SMIM5: variants seen among roughly 807,000 people sequenced by gnomAD.
The protein encoded by SMIM5 is small integral membrane protein 5.
SMIM5 carries 4 observed loss-of-function variants against 4.0 expected under a neutral mutation model. The observed-to-expected ratio is 1.01, with a 90% confidence interval of 0.50 to 2.30. The LOEUF is 2.30. SMIM5 is among the 30% of genes most tolerant of loss of function. The pLI is 0.02. For synonymous variants in SMIM5, 46 were observed against 43.6 expected, an observed-to-expected ratio of 1.05 and a Z score of -0.22; for missense variants, 107 against 99.2, an observed-to-expected ratio of 1.08 and a Z score of -0.34.
Position 75,640,719 on chromosome 17 carries a change from T to A in SMIM5, c.128-72T>A. The A allele has an allele frequency of 6.6e-7, 1 of 1,519,428 alleles. No homozygotes were observed. Among genetic ancestry groups the A allele is most frequent in the Non-Finnish European group, 8.9e-7 (1 of 1,128,364 alleles). 94.1% of individuals were successfully genotyped at this position (1,519,428 alleles called of 1,614,324 possible). The stretch of plus-strand genomic sequence containing the variant: ...GGGAAAGACCCTGGCAGGCAGTGGG[T>A]TTCTCTGGGAGGAGGGTGGGCATCC... On this transcript the variant is annotated intron_variant, in intron 2 of 2. Transcript: ENST00000375215. The surrounding 1 kb of genome is among the most constrained non-coding windows in gnomAD (Gnocchi z 4.6).
rs1297449734 is a variant in SMIM5, at chr17:75,640,467, C to G, written c.127+139C>G. 1.5e-6 allele frequency: 2 copies of G among 1,329,696 alleles called. No individual in the cohort carries two copies. The highest frequency in any genetic ancestry group is 2.0e-6 in the Non-Finnish European group (2 of 999,326). The allele number at this position is 1,329,696 out of a possible 1,614,324, so 82.4% of individuals were successfully genotyped here. A position where few individuals can be genotyped will look rare whatever the true frequency, so the allele number is the denominator to read the frequency against. On this transcript the variant is annotated intron_variant, in intron 2 of 2. Transcript: ENST00000375215. This position sits in a 1 kb window ranked among gnomAD's most constrained non-coding sequence, Gnocchi z 4.6. Reference sequence around the variant, plus strand: ...AAAACCAGTTGTCCCTTGGGGGAAGCCAAGGGACTTCCCTCATCCTCTGAT... The same window carrying G: ...AAAACCAGTTGTCCCTTGGGGGAAGGCAAGGGACTTCCCTCATCCTCTGAT...
chr17:75,640,120 G>A lies in SMIM5; in HGVS notation c.-36-46G>A, dbSNP rs1158480454. 4 of 1,448,068 alleles carry A rather than the reference G, an allele frequency of 2.8e-6. No individual in the cohort carries two copies. Among genetic ancestry groups the A allele is most frequent in the African/African-American group, 1.4e-5 (1 of 69,944 alleles). 89.7% of individuals were successfully genotyped at this position (1,448,068 alleles called of 1,614,324 possible). A position where few individuals can be genotyped will look rare whatever the true frequency, so the allele number is the denominator to read the frequency against. ...GTGGAATCTCGGTGCTGCGACGAGT[G>A]TGGGGCCAGCCGTGGAGGCTCCAGG... On this transcript the variant is annotated intron_variant, in intron 1 of 2. Coordinates refer to ENST00000375215, the MANE Select transcript of SMIM5 (RefSeq NM_001162995.3). This position sits in a 1 kb window ranked among gnomAD's most constrained non-coding sequence, Gnocchi z 4.6.
In SMIM5 at chr17:75,640,218, T is replaced by G; in HGVS notation, c.17T>G (p.Phe6Cys). 6 of 1,550,014 alleles carry G rather than the reference T, an allele frequency of 3.9e-6. No individual in the cohort carries two copies. The highest frequency in any genetic ancestry group is 5.2e-6 in the Non-Finnish European group (6 of 1,146,388). The change falls in exon 2 of 3, where the codon TTC becomes TGC. Residue 6 changes from phenylalanine to cysteine, a missense_variant. Coordinates refer to ENST00000375215, the MANE Select transcript of SMIM5 (RefSeq NM_001162995.3). This position sits in a 1 kb window ranked among gnomAD's most constrained non-coding sequence, Gnocchi z 4.6. MAATD[F>C]VQEMRAVGER... is the part of the protein sequence containing the mutation. ...CAGCGCGGCATGGCTGCCACCGACT[T>G]CGTGCAGGAGATGCGCGCCGTGGGC...
In SMIM5 at chr17:75,640,190, A is replaced by G; in HGVS notation, c.-12A>G. On this transcript the variant is annotated 5_prime_UTR_variant, in exon 2 of 3. Coordinates refer to ENST00000375215, the MANE Select transcript of SMIM5 (RefSeq NM_001162995.3). This position sits in a 1 kb window ranked among gnomAD's most constrained non-coding sequence, Gnocchi z 4.6. The stretch of plus-strand genomic sequence containing the variant: ...GAGCCCGGCAGGAGCCCCAACAGGA[A>G]GCCAGCGCGGCATGGCTGCCACCGA... The G allele has an allele frequency of 6.5e-7, 1 of 1,542,142 alleles. No homozygotes were observed. The highest frequency in any genetic ancestry group is 2.4e-5 in the East Asian group (1 of 40,834).
At position 75,634,186 on chromosome 17, in the gene SMIM5, A is replaced by T. The variant is rs1190353306; in HGVS notation, c.-53A>T. ...GCTGGGGCACTGCTGCTCAGCCCCC[A>T]ACACCTGAGCTCCCAGGTGAGTGGC... On this transcript the variant is annotated 5_prime_UTR_variant, in exon 1 of 3. Transcript: ENST00000375215. 1 of 985,396 alleles carries T rather than the reference A, an allele frequency of 1.0e-6. No individual in the cohort carries two copies. The allele number at this position is 985,396 out of a possible 1,614,324, so 61.0% of individuals were successfully genotyped here.
At chr17:75,639,037 T>C (rs1341235925) in intron 1 of SMIM5, 2 of 152,220 alleles carry the variant, frequency 1.3e-5, no homozygotes, top group African/African-American at 2.4e-5. Flanking sequence ...TGGGTGCTCA[T>C]GCAAAGACCA....
chr17:75,639,291 C>T (rs563870327), intron 1 of SMIM5: 1 of 152,520 alleles, frequency 6.6e-6, no homozygotes, highest in East Asian at 1.9e-4. Flanking sequence ...GAGCAACTGC[C>T]TTGGTGAACT....
intron 1 of SMIM5, chr17:75,635,724 G>A: frequency 1.1e-5 from 10 of 913,532 alleles, no homozygotes; most frequent in Non-Finnish European, 1.3e-5. Flanking sequence ...GCCCAACAGG[G>A]CAAGGGTGAC....
intron 1 of SMIM5, chr17:75,635,933 G>A (rs575069630): frequency 2.4e-5 from 21 of 878,736 alleles, no homozygotes; most frequent in African/African-American, 7.3e-5. Flanking sequence ...TCTGGCCTGC[G>A]GGATGCCTGC....
At position 75,639,884 on chromosome 17, in the gene SMIM5, T is replaced by C. The variant is rs986092040; in HGVS notation, c.-36-282T>C. ...GTAGTGGTACCTCAAGACAAGGGAA[T>C]GGAACAGCGAAGCCAGAAACCACCA... On this transcript the variant is annotated intron_variant, in intron 1 of 2. Transcript: ENST00000375215. The C allele has an allele frequency of 1.8e-5, 5 of 280,234 alleles. No individual in the cohort carries two copies. The East Asian group carries it at 2.2e-4, about 13-fold the overall frequency. The allele number at this position is 280,234 out of a possible 1,614,324, so 17.4% of individuals were successfully genotyped here.
Position 75,634,009 on chromosome 17 carries a change from G to A in SMIM5, c.-230G>A, listed in dbSNP as rs576319253. On this transcript the variant is annotated 5_prime_UTR_variant, in exon 1 of 3. Transcript: ENST00000375215. Reference sequence around the variant, plus strand: ...GCTTCCTCGGGCTCCCCCTCGCGACGGTAATTTGACACTTGGATCTCCAGG... The same window carrying A: ...GCTTCCTCGGGCTCCCCCTCGCGACAGTAATTTGACACTTGGATCTCCAGG... 2.8e-4 allele frequency: 272 copies of A among 985,540 alleles called. No individual in the cohort carries two copies. In the Middle Eastern group the frequency reaches 3.1e-3, roughly 11 times the overall value. The allele number at this position is 985,540 out of a possible 1,614,324, so 61.0% of individuals were successfully genotyped here.
chr17:75,633,566 C>A lies in SMIM5; in HGVS notation c.-673C>A. 7.9e-7 allele frequency: 1 copy of A among 1,269,036 alleles called. No homozygotes were observed. Among genetic ancestry groups the A allele is most frequent in the Non-Finnish European group, 1.0e-6 (1 of 978,420 alleles). 78.6% of individuals were successfully genotyped at this position (1,269,036 alleles called of 1,614,324 possible). On this transcript the variant is annotated 5_prime_UTR_variant, in exon 1 of 3. Transcript: ENST00000375215. Reference sequence around the variant, plus strand: ...CTTCAGATGCTGAGCGGCACAAGGGCCTCCCCAGGGACTGGTTGCAAAGCC... The same window carrying A: ...CTTCAGATGCTGAGCGGCACAAGGGACTCCCCAGGGACTGGTTGCAAAGCC...
In SMIM5 at chr17:75,636,277, G is replaced by A. The variant is rs1451202893; in HGVS notation, c.-37+2075G>A. Among the ~76,000 whole-genome samples, 1 of 152,094 alleles carries A rather than the reference G, an allele frequency of 6.6e-6. No individual in the cohort carries two copies. Among genetic ancestry groups the A allele is most frequent in the Non-Finnish European group, 1.5e-5 (1 of 68,008 alleles). On this transcript the variant is annotated intron_variant, in intron 1 of 2. Coordinates refer to ENST00000375215, the MANE Select transcript of SMIM5 (RefSeq NM_001162995.3). The surrounding 1 kb of genome is among the most constrained non-coding windows in gnomAD (Gnocchi z 5.4). The stretch of plus-strand genomic sequence containing the variant: ...GGACTCTGGTTGCCCTGGTTCGCAG[G>A]TGGGCACTACCAAGCGTGGGGTTGG...
rs374319429 is a variant in SMIM5, at chr17:75,640,792, T to C, written c.129T>C (p.Ala43=). 11 of 1,550,054 alleles carry C rather than the reference T, an allele frequency of 7.1e-6. No individual in the cohort carries two copies. The highest frequency in any genetic ancestry group is 4.9e-5 in the East Asian group (2 of 40,898). ...CCGTGCTCTCTCCCGGCCCTCCAGC[T>C]ACTGTTCTGCTGTTGCTGCTGATAG... is the stretch of plus-strand genomic sequence containing the variant. The part of the protein sequence containing the change: ...VAFSVIILFT[A]TVLLLLLIAC... Residue 43 remains alanine, a splice_region_variant and synonymous_variant, in exon 3 of 3, where the codon GCT becomes GCC. Coordinates refer to ENST00000375215, the MANE Select transcript of SMIM5 (RefSeq NM_001162995.3). This position sits in a 1 kb window ranked among gnomAD's most constrained non-coding sequence, Gnocchi z 4.6.
In SMIM5 at chr17:75,640,437, G is replaced by A. The variant is rs2059414744; in HGVS notation, c.127+109G>A. 2 of 1,431,066 alleles carry A rather than the reference G, an allele frequency of 1.4e-6. No individual in the cohort carries two copies. The highest frequency in any genetic ancestry group is 1.8e-6 in the Non-Finnish European group (2 of 1,085,354). The allele number at this position is 1,431,066 out of a possible 1,614,324, so 88.6% of individuals were successfully genotyped here. A position where few individuals can be genotyped will look rare whatever the true frequency, so the allele number is the denominator to read the frequency against. ...AGGTGGCGGGTGTCTGCCGGATCAAGGAGGAAAACCAGTTGTCCCTTGGGG... is the reference window on the plus strand; with the variant it reads ...AGGTGGCGGGTGTCTGCCGGATCAAAGAGGAAAACCAGTTGTCCCTTGGGG... On this transcript the variant is annotated intron_variant, in intron 2 of 2. Coordinates refer to ENST00000375215, the MANE Select transcript of SMIM5 (RefSeq NM_001162995.3). The surrounding 1 kb of genome is among the most constrained non-coding windows in gnomAD (Gnocchi z 4.6).
At chr17:75,637,448 G>A (rs957842018) in intron 1 of SMIM5, 1 of 152,348 alleles carries the variant, frequency 6.6e-6, no homozygotes, top group Non-Finnish European at 1.5e-5. Flanking sequence ...CTCTAAGAAT[G>A]AGGGAACCTG....
In SMIM5 at chr17:75,640,966, GGCCCTGCA is replaced by G; in HGVS notation, c.*75_*82del. ...ATGCCATGACACAGGCCATCAGCCT[GGCCCTGCA>G]GCCCTTACCCCTCAAGACCAGGCTC... On this transcript the variant is annotated 3_prime_UTR_variant, in exon 3 of 3. Transcript: ENST00000375215. The surrounding 1 kb of genome is among the most constrained non-coding windows in gnomAD (Gnocchi z 4.6). The G allele has an allele frequency of 6.6e-7, 1 of 1,521,940 alleles. No homozygotes were observed. The highest frequency in any genetic ancestry group is 8.8e-7 in the Non-Finnish European group (1 of 1,135,148). 94.3% of individuals were successfully genotyped at this position (1,521,940 alleles called of 1,614,324 possible).
rs2059419063 is a variant in SMIM5, at chr17:75,640,627, T to C, written c.128-164T>C. 6.6e-6 allele frequency among the ~76,000 whole-genome samples: 1 copy of C among 152,104 alleles called. No homozygotes were observed. Among genetic ancestry groups the C allele is most frequent in the African/African-American group, 2.4e-5 (1 of 41,420 alleles). On this transcript the variant is annotated intron_variant, in intron 2 of 2. Transcript: ENST00000375215. This position sits in a 1 kb window ranked among gnomAD's most constrained non-coding sequence, Gnocchi z 4.6. Reference sequence around the variant, plus strand: ...CATGGAGGAGGTTGGCCCTGGCGGCTGGCATGGGGACCGTCCGCACCTCTC... The same window carrying C: ...CATGGAGGAGGTTGGCCCTGGCGGCCGGCATGGGGACCGTCCGCACCTCTC...
In SMIM5 at chr17:75,640,857, G is replaced by A. The variant is rs990425609; in HGVS notation, c.194G>A (p.Arg65Gln). ...TGCACTCACTGCTGCTGCCCTGAGC[G>A]GAGAGGCAGGAAGGTCCAGGTGCAG... ...CCCTHCCCPE[R>Q]RGRKVQVQPT... The change falls in exon 3 of 3, where the codon CGG (arginine) becomes CAG (glutamine). Residue 65 changes from arginine (R) to glutamine (Q), a missense_variant. Arg to Gln is a conservative substitution (Grantham distance 43). Coordinates refer to ENST00000375215, the MANE Select transcript of SMIM5 (RefSeq NM_001162995.3). The surrounding 1 kb of genome is among the most constrained non-coding windows in gnomAD (Gnocchi z 4.6). 26 of 1,548,358 alleles carry A rather than the reference G, an allele frequency of 1.7e-5. No individual in the cohort carries two copies. Among genetic ancestry groups the A allele is most frequent in the South Asian group, 9.5e-5 (8 of 84,064 alleles).
Sources: gnomAD v4.1 joint callset for allele counts (sites outside exome capture counted in the v4.1 genomes callset) on GRCh38, gnomAD v4.1.1 for gene constraint, Gnocchi (gnomAD v3.1) non-coding constraint, MANE v1.5 for transcripts, NCBI Gene and HGNC (gene_info 2026-07-23, HGNC 2026-07-21) for gene names.